MCPH1: variants seen among roughly 807,000 people sequenced by gnomAD.
The protein encoded by MCPH1 is microcephalin 1.
Under a neutral mutation model 84.5 loss-of-function variants are expected in MCPH1, and 104 were observed. That is an observed-to-expected ratio of 1.23 (90% CI 1.05 to 1.45). The LOEUF (loss-of-function observed/expected upper bound fraction) is 1.45. Among genes scored for constraint, MCPH1 ranks in the 40% most tolerant of loss-of-function variants. MCPH1 has a pLI of 0.00. For synonymous variants in MCPH1, 514 were observed against 366.8 expected, an observed-to-expected ratio of 1.40 and a Z score of -4.58; for missense variants, 1,498 against 1,005.7, an observed-to-expected ratio of 1.49 and a Z score of -6.62.
At chr8:6,604,533 C>T (rs1829607080) in intron 12 of MCPH1, among the ~76,000 whole-genome samples, 1 of 152,356 alleles carries the variant, frequency 6.6e-6, no homozygotes, top group East Asian at 1.9e-4. Context: ...GAGACGGAGT[C>T]TCACTCTATC....
intron 12 of MCPH1, among the ~76,000 whole-genome samples, chr8:6,535,284 T>C (rs1373613117): frequency 1.3e-5 from 2 of 152,178 alleles, no homozygotes; most frequent in African/African-American, 2.4e-5. Context: ...TCCAGAGATA[T>C]GAGAGGATTG....
At chr8:6,624,874 C>CTTT (rs34427383) in intron 13 of MCPH1, 87 of 878,352 alleles carry the variant, frequency 9.9e-5, no homozygotes, top group Middle Eastern at 5.8e-4. Context: ...AAATCATATA[C>CTTT]TTTTTTTTTT....
At chr8:6,621,882 C>T (rs894385145) in intron 13 of MCPH1, among the ~76,000 whole-genome samples, 191 bp downstream of exon 13, 8 of 152,188 alleles carry the variant, frequency 5.3e-5, no homozygotes, top group Non-Finnish European at 4.4e-5. Flanking sequence ...TGTTAGCAGA[C>T]GTACAGTTCA....
rs142619566 is a variant in MCPH1 at position 6,478,334 on chromosome 8, T to C, written c.1973+703T>C. Among the ~76,000 whole-genome samples, 18 of 152,188 alleles carry C rather than the reference T, an allele frequency of 1.2e-4. No individual in the cohort carries two copies. In the East Asian group the frequency reaches 3.5e-3, roughly 29 times the overall value. On this transcript the variant is annotated intron_variant, in intron 10 of 13. Coordinates refer to ENST00000344683, the MANE Select transcript of MCPH1 (RefSeq NM_024596.5). ...TCATCAAACACCATACATTATATAG[T>C]GAAAAAGGGGGTCACTCAAAATTTT...
At chr8:6,633,953 A>C (rs914416514) in intron 13 of MCPH1, among the ~76,000 whole-genome samples, 1 of 152,256 alleles carries the variant, frequency 6.6e-6, no homozygotes, top group Non-Finnish European at 1.5e-5. Context: ...ACTGAACAGC[A>C]GTATAAGTGT....
chr8:6,425,115 G>T (rs548582951), intron 3 of MCPH1, among the ~76,000 whole-genome samples: 6 of 152,338 alleles, frequency 3.9e-5, no homozygotes, highest in African/African-American at 1.2e-4. Flanking sequence ...GACCTAGCAG[G>T]TGTACTGTGG....
intron 11 of MCPH1, among the ~76,000 whole-genome samples, chr8:6,498,591 T>G (rs780543728): frequency 1.3e-5 from 2 of 152,204 alleles, no homozygotes; most frequent in Non-Finnish European, 2.9e-5. Context: ...AGTTGACTTT[T>G]TAATGTGGAT....
At chr8:6,598,180 G>A (rs2922851) in intron 12 of MCPH1, among the ~76,000 whole-genome samples, 1 of 152,014 alleles carries the variant, frequency 6.6e-6, no homozygotes, top group Non-Finnish European at 1.5e-5. Flanking sequence ...CGGTCAATCA[G>A]AGTGAGCACC....
chr8:6,627,132 C>A, intron 13 of MCPH1: 1 of 984,354 alleles, frequency 1.0e-6, no homozygotes, highest in Non-Finnish European at 1.2e-6. Context: ...TTCATCGTTT[C>A]CCCTAATGAC....
intron 7 of MCPH1, among the ~76,000 whole-genome samples, chr8:6,442,530 G>T (rs1340010610): frequency 6.6e-6 from 1 of 152,176 alleles, no homozygotes; most frequent in Non-Finnish European, 1.5e-5. Context: ...TTATTGAACG[G>T]GGTCAGTGAA....
chr8:6,589,773 A>C (rs1828292900), intron 12 of MCPH1, among the ~76,000 whole-genome samples: 1 of 152,194 alleles, frequency 6.6e-6, no homozygotes, highest in Non-Finnish European at 1.5e-5. Flanking sequence ...ATTGCCAAAG[A>C]CCTGTTGATT....
chr8:6,465,843 T>G (rs1806828766), intron 9 of MCPH1, among the ~76,000 whole-genome samples: 1 of 152,170 alleles, frequency 6.6e-6, no homozygotes, highest in Non-Finnish European at 1.5e-5. Flanking sequence ...AGAATTTACT[T>G]TAAATGTGAG....
chr8:6,642,236 A>T lies in MCPH1; in HGVS notation c.2453-758A>T, dbSNP rs17077743. Among the ~76,000 whole-genome samples the T allele has an allele frequency of 5.5e-3, 835 of 152,242 alleles. 9 individuals are homozygous for T. The highest frequency in any genetic ancestry group is 0.019 in the African/African-American group (797 of 41,530). ...ATTGATTTAATCTACCTTATCATCC[A>T]ATCGGTGCTGACAGTGGATTTCATT... On this transcript the variant is annotated intron_variant, in intron 13 of 13. Coordinates refer to ENST00000344683, the MANE Select transcript of MCPH1 (RefSeq NM_024596.5).
intron 12 of MCPH1, among the ~76,000 whole-genome samples, chr8:6,601,422 C>T (rs1037110730): frequency 1.3e-5 from 2 of 151,984 alleles, no homozygotes; most frequent in Middle Eastern, 3.2e-3. Flanking sequence ...GCCCTAATAC[C>T]GGCTGCCCGT....
intron 9 of MCPH1, among the ~76,000 whole-genome samples, chr8:6,461,635 C>G (rs1806312101): frequency 6.6e-6 from 1 of 152,084 alleles, no homozygotes; most frequent in Non-Finnish European, 1.5e-5. Context: ...CCACCACACC[C>G]GGCCTGGTGA....
At chr8:6,568,286 G>C (rs1826376084) in intron 12 of MCPH1, among the ~76,000 whole-genome samples, 1 of 152,072 alleles carries the variant, frequency 6.6e-6, no homozygotes, top group African/African-American at 2.4e-5. Flanking sequence ...CTAGCTGAAT[G>C]TGGAATGTGG....
chr8:6,618,216 T>C (rs775632623), intron 12 of MCPH1, among the ~76,000 whole-genome samples: 4 of 151,890 alleles, frequency 2.6e-5, no homozygotes, highest in Non-Finnish European at 5.9e-5. Flanking sequence ...CACAGGCTCC[T>C]TGGCGAGAGC....
intron 12 of MCPH1, among the ~76,000 whole-genome samples, chr8:6,600,917 T>C (rs2442562): frequency 0.37 from 56,320 of 151,952 alleles, 10,572 homozygotes; most frequent in African/African-American, 0.4. Context: ...GCATGGTACT[T>C]AACACACTTC....
chr8:6,503,000 C>G (rs531091282), intron 12 of MCPH1: 2 of 1,415,478 alleles, frequency 1.4e-6, no homozygotes, highest in African/African-American at 1.4e-5. Flanking sequence ...CACACGCCCT[C>G]TGTGGTGGAA....
Sources: allele counts gnomAD v4.1 joint callset (sites outside exome capture counted in the v4.1 genomes callset), GRCh38; gene constraint gnomAD v4.1.1; transcripts MANE v1.5; gene names NCBI Gene and HGNC (gene_info 2026-07-23, HGNC 2026-07-21).